Variants in MSANTD7 observed in about 807,000 individuals in gnomAD.
The protein encoded by MSANTD7 is Myb/SANT DNA binding domain containing 7, also known as zinc finger and SCAN domain containing 29.
chr10:14,845,387 T>A, the MSANTD7 span: 40 of 985,262 alleles, frequency 4.1e-5, no homozygotes, highest in African/African-American at 6.6e-4. Flanking sequence ...ATGCTGGAAA[T>A]GGACATAGGT....
the MSANTD7 span, chr10:14,842,183 G>T: frequency 6.5e-7 from 1 of 1,535,132 alleles, no homozygotes; most frequent in Non-Finnish European, 8.7e-7. The surrounding 1 kb of genome is among the most constrained non-coding windows in gnomAD (Gnocchi z 5.2). Flanking sequence ...TCCCTGAGAG[G>T]GAAGATCCTG....
chr10:14,838,561 A>C, the MSANTD7 span: 1 of 1,208,094 alleles, frequency 8.3e-7, no homozygotes, highest in Non-Finnish European at 1.1e-6. Context: ...CGGCCTAGGG[A>C]TGTCGTGGAG....
chr10:14,842,890 G>A, the MSANTD7 span: 2 of 1,327,054 alleles, frequency 1.5e-6, no homozygotes. This position sits in a 1 kb window ranked among gnomAD's most constrained non-coding sequence, Gnocchi z 5.2. Flanking sequence ...AGAGTCTTGT[G>A]GCTCTAAACA....
At chr10:14,838,315 C>T in the MSANTD7 span, 1 of 1,347,520 alleles carries the variant, frequency 7.4e-7, no homozygotes, top group East Asian at 2.5e-5. Context: ...CGTGAAGCTC[C>T]GCGGTGCCTG....
At chr10:14,842,364 C>T in the MSANTD7 span, 2 of 1,536,138 alleles carry the variant, frequency 1.3e-6, no homozygotes, top group Non-Finnish European at 1.7e-6. This position sits in a 1 kb window ranked among gnomAD's most constrained non-coding sequence, Gnocchi z 5.2. Flanking sequence ...CTAGGCGAGG[C>T]AGAGTATATT....
At chr10:14,843,829 A>G in the MSANTD7 span, 2 of 1,536,412 alleles carry the variant, frequency 1.3e-6, no homozygotes, top group Non-Finnish European at 1.7e-6. Context: ...GGAAGAGGCA[A>G]CTGGTGCTTT....
At chr10:14,838,568 G>A in the MSANTD7 span, 8 of 1,110,058 alleles carry the variant, frequency 7.2e-6, no homozygotes, top group Non-Finnish European at 1.0e-5. Flanking sequence ...GGGATGTCGT[G>A]GAGTGGCGTT....
chr10:14,844,632 GAAATAAGA>G, the MSANTD7 span: 1 of 984,948 alleles, frequency 1.0e-6, no homozygotes, highest in Non-Finnish European at 1.2e-6. Context: ...TCAATATAAG[GAAATAAGA>G]AGTGCCAGGG....
chr10:14,846,626 C>G, the MSANTD7 span: 1 of 954,786 alleles, frequency 1.0e-6, no homozygotes, highest in Non-Finnish European at 1.2e-6. Context: ...TCAGGTTCCT[C>G]ATTTATAAAG....
the MSANTD7 span, chr10:14,838,658 C>T: frequency 1.0e-4 from 54 of 537,812 alleles, no homozygotes; most frequent in Admixed American, 1.5e-4. Context: ...TCGTCTACTC[C>T]GCGGCGGAGG....
the MSANTD7 span, chr10:14,844,276 T>C: frequency 1.2e-5 from 13 of 1,083,464 alleles, no homozygotes; most frequent in Middle Eastern, 8.4e-4. Flanking sequence ...TTCATAGATG[T>C]GAAAGGGTTT....
At chr10:14,842,095 C>A in the MSANTD7 span, 5 of 1,450,114 alleles carry the variant, frequency 3.4e-6, no homozygotes, top group East Asian at 7.5e-5. The surrounding 1 kb of genome is among the most constrained non-coding windows in gnomAD (Gnocchi z 5.2). Flanking sequence ...ATTATCCTTA[C>A]ACCCTTCCTG....
the MSANTD7 span, among the ~76,000 whole-genome samples, chr10:14,843,165 C>T: frequency 1.3e-5 from 2 of 152,132 alleles, no homozygotes; most frequent in African/African-American, 4.8e-5. Context: ...CAAAGGGGTT[C>T]AGGAAGGCAA....
chr10:14,844,379 G>T, the MSANTD7 span: 10 of 1,001,066 alleles, frequency 1.0e-5, no homozygotes, highest in Admixed American at 1.0e-4. Flanking sequence ...CAGAAGTATG[G>T]ATATATACTG....
chr10:14,842,577 A>G, the MSANTD7 span: 398 of 1,536,072 alleles, frequency 2.6e-4, no homozygotes, highest in Non-Finnish European at 3.4e-4. This position sits in a 1 kb window ranked among gnomAD's most constrained non-coding sequence, Gnocchi z 5.2. Context: ...ACGTTGGATC[A>G]GCTTCTCCGA....
chr10:14,842,748 C>A, the MSANTD7 span: 2 of 1,536,572 alleles, frequency 1.3e-6, no homozygotes, highest in South Asian at 2.4e-5. This position sits in a 1 kb window ranked among gnomAD's most constrained non-coding sequence, Gnocchi z 5.2. Context: ...ATCTTGAAAA[C>A]AGTTAAGGCA....
the MSANTD7 span, chr10:14,843,459 A>G: frequency 6.4e-7 from 1 of 1,550,628 alleles, no homozygotes; most frequent in Non-Finnish European, 8.7e-7. Context: ...CCATGGCCAG[A>G]CTGGGTGTGT....
the MSANTD7 span, chr10:14,845,579 G>T: frequency 1.0e-6 from 1 of 958,352 alleles, no homozygotes; most frequent in Non-Finnish European, 1.2e-6. Context: ...CAAATCACTT[G>T]CCCTTTTCTA....
At chr10:14,842,552 T>C in the MSANTD7 span, 1 of 1,536,176 alleles carries the variant, frequency 6.5e-7, no homozygotes, top group Non-Finnish European at 8.7e-7. The surrounding 1 kb of genome is among the most constrained non-coding windows in gnomAD (Gnocchi z 5.2). Context: ...GCCACCACAC[T>C]GTCCATTTTA....
Sources: gnomAD v4.1 joint callset for allele counts (sites outside exome capture counted in the v4.1 genomes callset) on GRCh38, gnomAD v4.1.1 for gene constraint, Gnocchi (gnomAD v3.1) non-coding constraint, MANE v1.5 for transcripts, NCBI Gene and HGNC (gene_info 2026-07-23, HGNC 2026-07-21) for gene names.